Variants in NAV2 observed in about 807,000 individuals in gnomAD.
The protein encoded by NAV2 is helicase, APC down-regulated 1.
NAV2 carries 54 observed loss-of-function variants against 223.2 expected under a neutral mutation model. The ratio of observed to expected loss-of-function variants is 0.24; its 90% CI spans 0.19 to 0.30. The LOEUF is 0.30. Ranked by LOEUF, NAV2 falls within the 10% of genes least tolerant of loss-of-function variation. The pLI is 1.00. For missense variants in NAV2, 2,806 were observed against 3,147.5 expected (o/e 0.89, Z 2.60); for synonymous variants, 1,279 against 1,239.3 (o/e 1.03, Z -0.67).
intron 1 of NAV2, among the ~76,000 whole-genome samples, chr11:19,736,110 G>A (rs1018277780): frequency 2.6e-5 from 4 of 152,204 alleles, no homozygotes; most frequent in Non-Finnish European, 5.9e-5. Context: ...AAAACATGCT[G>A]TCCATTTATA....
intron 1 of NAV2, among the ~76,000 whole-genome samples, chr11:19,616,264 C>G (rs1469029919): frequency 6.6e-6 from 1 of 151,636 alleles, no homozygotes; most frequent in African/African-American, 2.4e-5. Flanking sequence ...GGGCCCACCT[C>G]TCATTATCAG....
At chr11:19,692,954 A>C in intron 1 of NAV2, among the ~76,000 whole-genome samples, 1 of 152,236 alleles carries the variant, frequency 6.6e-6, no homozygotes, top group East Asian at 1.9e-4. Context: ...AGGGCAGCCA[A>C]GGCTGCTCCC....
intron 3 of NAV2, among the ~76,000 whole-genome samples, chr11:19,847,611 A>T (rs936571420): frequency 1.3e-5 from 2 of 152,148 alleles, no homozygotes; most frequent in African/African-American, 4.8e-5. Context: ...TTCCTGTTCT[A>T]TGAAGTGGGG....
Position 20,118,317 on chromosome 11 carries a change from C to T in NAV2, c.*59C>T, listed in dbSNP as rs1283036418. 1.9e-6 allele frequency: 3 copies of T among 1,588,988 alleles called. No homozygotes were observed. Among genetic ancestry groups the T allele is most frequent in the East Asian group, 4.5e-5 (2 of 44,636 alleles). Reference sequence around the variant, plus strand: ...CTCACCGCATTCCACCTGCATCCCCCACATCACCCTGAAGATGACTTCCTG... The same window carrying T: ...CTCACCGCATTCCACCTGCATCCCCTACATCACCCTGAAGATGACTTCCTG... On this transcript the variant is annotated 3_prime_UTR_variant, in exon 38 of 38. Coordinates refer to ENST00000349880, the MANE Select transcript of NAV2 (RefSeq NM_145117.5).
chr11:19,470,628 G>A (rs1292712618), intron 1 of NAV2, among the ~76,000 whole-genome samples: 2 of 152,200 alleles, frequency 1.3e-5, no homozygotes, highest in African/African-American at 2.4e-5. Context: ...ACCTCTTAAA[G>A]GTCCCATTTC....
chr11:20,105,428 A>T lies in NAV2; in HGVS notation c.6645-103A>T, dbSNP rs564918286. 2.5e-4 allele frequency: 227 copies of T among 896,778 alleles called. 3 individuals are homozygous for T. Among genetic ancestry groups the T allele is most frequent in the African/African-American group, 2.2e-3 (132 of 60,218 alleles). The allele number at this position is 896,778 out of a possible 1,614,324, so 55.6% of individuals were successfully genotyped here. ...GTGCATAGCTAATCCAATTTGTTGC[A>T]TTAGCATATACACCTTCTGTTTCTA... On this transcript the variant is annotated intron_variant, in intron 34 of 37. Transcript: ENST00000349880.
At chr11:19,358,853 G>A (rs186857038) in intron 1 of NAV2, among the ~76,000 whole-genome samples, 66 of 152,290 alleles carry the variant, frequency 4.3e-4, no homozygotes, top group Non-Finnish European at 3.1e-4. Context: ...CCTTAATGAT[G>A]TGAGAAAATC....
intron 1 of NAV2, among the ~76,000 whole-genome samples, chr11:19,459,769 G>A (rs558589960): frequency 6.6e-6 from 1 of 152,294 alleles, no homozygotes; most frequent in East Asian, 1.9e-4. Flanking sequence ...AAAGCCTTTT[G>A]GAATCAGATT....
chr11:19,985,557 T>TG (rs1459127194), intron 11 of NAV2, among the ~76,000 whole-genome samples: 3 of 149,594 alleles, frequency 2.0e-5, no homozygotes, highest in African/African-American at 7.7e-5. Flanking sequence ...AAAGTTTTTT[T>TG]TGTTTTTTTG....
intron 34 of NAV2, 110 bp downstream of exon 34, chr11:20,103,834 G>A (rs1345880155): frequency 2.1e-6 from 2 of 965,470 alleles, no homozygotes; most frequent in Non-Finnish European, 3.3e-6. Context: ...GCTAGGTATT[G>A]TTAAGCATTT....
intron 6 of NAV2, among the ~76,000 whole-genome samples, chr11:19,903,646 A>C (rs1434699893): frequency 6.6e-6 from 1 of 151,310 alleles, no homozygotes; most frequent in Non-Finnish European, 1.5e-5. Flanking sequence ...GAAAAAGAAA[A>C]GTTTAAGAAA....
intron 20 of NAV2, among the ~76,000 whole-genome samples, chr11:20,065,340 C>G (rs1010027716): frequency 2.0e-5 from 3 of 152,234 alleles, no homozygotes; most frequent in Non-Finnish European, 4.4e-5. Flanking sequence ...ACAGTAGATT[C>G]TTTCCTTGAA....
At chr11:20,085,782 G>A (rs1433960185) in intron 26 of NAV2, among the ~76,000 whole-genome samples, 1 of 152,230 alleles carries the variant, frequency 6.6e-6, no homozygotes, top group African/African-American at 2.4e-5. Flanking sequence ...CAGTGGGCGT[G>A]GGGGTTTGGA....
At chr11:19,823,768 C>T (rs377734947) in intron 1 of NAV2, among the ~76,000 whole-genome samples, 12 of 152,156 alleles carry the variant, frequency 7.9e-5, no homozygotes, top group East Asian at 1.9e-4. Flanking sequence ...CGGGGCCTGT[C>T]GGGGACTCGG....
intron 6 of NAV2, among the ~76,000 whole-genome samples, chr11:19,913,377 G>A (rs2043486539): frequency 6.6e-6 from 1 of 152,112 alleles, no homozygotes; most frequent in African/African-American, 2.4e-5. Flanking sequence ...ATCCTTGTAT[G>A]TTGTCTTGTA....
intron 1 of NAV2, among the ~76,000 whole-genome samples, chr11:19,450,369 T>C (rs1220115909): frequency 6.6e-6 from 1 of 152,204 alleles, no homozygotes. Context: ...GACCAGCTCC[T>C]TGAGCCATGG....
At chr11:19,931,609 A>AAAAG (rs10692495) in intron 6 of NAV2, among the ~76,000 whole-genome samples, 1 of 137,306 alleles carries the variant, frequency 7.3e-6, no homozygotes, top group Non-Finnish European at 1.6e-5. Context: ...AAAAAAAAAA[A>AAAAG]GCAGAAGAAG....
At chr11:19,658,149 A>G (rs573942727) in intron 1 of NAV2, among the ~76,000 whole-genome samples, 1 of 152,256 alleles carries the variant, frequency 6.6e-6, no homozygotes, top group South Asian at 2.1e-4. Context: ...CAGCATTCCT[A>G]TGATGTGGGA....
intron 1 of NAV2, among the ~76,000 whole-genome samples, chr11:19,521,508 T>C (rs1214906021): frequency 6.6e-6 from 1 of 152,196 alleles, no homozygotes; most frequent in Non-Finnish European, 1.5e-5. Flanking sequence ...AGGATCCAGT[T>C]ATCGGGGAGG....
Sources: allele counts gnomAD v4.1 joint callset (sites outside exome capture counted in the v4.1 genomes callset), GRCh38; gene constraint gnomAD v4.1.1; transcripts MANE v1.5; gene names NCBI Gene and HGNC (gene_info 2026-07-23, HGNC 2026-07-21).